LRP6: variants seen among roughly 807,000 people sequenced by gnomAD.
LRP6 encodes the protein low-density lipoprotein receptor-related protein 6.
LRP6 carries 43 observed loss-of-function variants against 184.1 expected under a neutral mutation model. That is an observed-to-expected ratio of 0.23 (90% confidence interval 0.18 to 0.30). The LOEUF is 0.30. Ranked by LOEUF, LRP6 falls within the 10% of genes least tolerant of loss-of-function variation. The pLI is 1.00. For synonymous variants in LRP6, 719 were observed against 684.9 expected, an observed-to-expected ratio of 1.05 and a Z score of -0.78; for missense variants, 1,571 against 2,005.3, an observed-to-expected ratio of 0.78 and a Z score of 4.14.
chr12:12,121,057 C>A lies in LRP6; in HGVS notation c.*69G>T. ...CCTTCTCTAATAGCTCCCTCCCCCC[C>A]TCCAGATCTCAACCAAATTTATATT... On this transcript the variant is annotated 3_prime_UTR_variant, in exon 23 of 23. Coordinates refer to ENST00000261349, the MANE Select transcript of LRP6 (RefSeq NM_002336.3). 4 of 1,425,718 alleles carry A rather than the reference C, an allele frequency of 2.8e-6. No homozygotes were observed. Among genetic ancestry groups the A allele is most frequent in the Non-Finnish European group, 3.8e-6 (4 of 1,062,162 alleles). 88.3% of individuals were successfully genotyped at this position (1,425,718 alleles called of 1,614,324 possible).
rs552183604 is a variant in LRP6, at chr12:12,201,334, T to C, written c.647+1869A>G. ...TCAGTAGTTCCATTTTGAGAGTTCG[T>C]TGGGGCTAGACTGCTCTAGCTTCTT... is the stretch of plus-strand genomic sequence containing the variant. On this transcript the variant is annotated intron_variant, in intron 3 of 22. Transcript: ENST00000261349. Among the ~76,000 whole-genome samples, 10 of 152,306 alleles carry C rather than the reference T, an allele frequency of 6.6e-5. No individual in the cohort carries two copies. In the East Asian group the frequency reaches 7.7e-4, roughly 12 times the overall value.
chr12:12,175,895 T>C (rs1444012797), intron 7 of LRP6, among the ~76,000 whole-genome samples: 2 of 151,880 alleles, frequency 1.3e-5, no homozygotes, highest in African/African-American at 4.8e-5. Context: ...AAGCTAATAG[T>C]ACATTCTTAA....
intron 1 of LRP6, among the ~76,000 whole-genome samples, chr12:12,258,510 C>A (rs753846701): frequency 6.6e-6 from 1 of 152,156 alleles, no homozygotes; most frequent in South Asian, 2.1e-4. Flanking sequence ...AAATTCACAT[C>A]TTTTTATATT....
In LRP6 at chr12:12,154,039, C is replaced by T. The variant is rs568304710; in HGVS notation, c.2792-3001G>A. Reference sequence around the variant, plus strand: ...CCATACACCTGTAGGGCTAAATCTGCTCAGAGGAAACATCTTTTTCCAATT... The same window carrying T: ...CCATACACCTGTAGGGCTAAATCTGTTCAGAGGAAACATCTTTTTCCAATT... On this transcript the variant is annotated intron_variant, in intron 12 of 22. Transcript: ENST00000261349. Among the ~76,000 whole-genome samples, 285 of 152,316 alleles carry T rather than the reference C, an allele frequency of 1.9e-3. 1 individual carries two copies. Among genetic ancestry groups the T allele is most frequent in the Non-Finnish European group, 3.2e-3 (219 of 68,028 alleles).
At chr12:12,159,685 A>C (rs1862693862) in intron 11 of LRP6, 95 bp downstream of exon 11, 2 of 1,138,780 alleles carry the variant, frequency 1.8e-6, no homozygotes, top group Admixed American at 1.8e-5. Flanking sequence ...ATTCATATGA[A>C]GTTGTATTAA....
chr12:12,148,842 G>T, intron 14 of LRP6, 100 bp downstream of exon 14: 1 of 855,506 alleles, frequency 1.2e-6, no homozygotes, highest in Non-Finnish European at 2.0e-6. Context: ...TTGTTTGCTG[G>T]AGCACAGGAC....
intron 2 of LRP6, among the ~76,000 whole-genome samples, chr12:12,227,456 G>A (rs1269145433): frequency 2.0e-5 from 3 of 150,200 alleles, no homozygotes; most frequent in Admixed American, 6.6e-5. Context: ...TGCCCAGGCT[G>A]GGGTGCAACA....
At chr12:12,139,106 A>C in intron 15 of LRP6, 1 of 829,478 alleles carries the variant, frequency 1.2e-6, no homozygotes, top group Non-Finnish European at 1.6e-6. Flanking sequence ...CATACCCCCC[A>C]CCCTGCTTTA....
chr12:12,184,412 A>AAAAT (rs57489179), intron 4 of LRP6, among the ~76,000 whole-genome samples: 1 of 151,942 alleles, frequency 6.6e-6, no homozygotes, highest in East Asian at 1.9e-4. Flanking sequence ...AAACAAACAA[A>AAAAT]ACCAATAAAA....
intron 8 of LRP6, 123 bp downstream of exon 8, chr12:12,164,955 AG>A: frequency 9.5e-6 from 5 of 528,560 alleles, no homozygotes; most frequent in Non-Finnish European, 1.3e-5. Context: ...AAAAAAAAAA[AG>A]GCGGGGGGGC....
In LRP6 at chr12:12,194,789, T is replaced by A. The variant is rs1863710207; in HGVS notation, c.648-7670A>T. The stretch of plus-strand genomic sequence containing the variant: ...ATGTTTTACCTATTAAGTACAGTCA[T>A]CCTACAGTGGTATAGAATACTCAAG... On this transcript the variant is annotated intron_variant, in intron 3 of 22. Transcript: ENST00000261349. 2.6e-5 allele frequency among the ~76,000 whole-genome samples: 4 copies of A among 152,136 alleles called. No individual in the cohort carries two copies. The South Asian group carries it at 8.3e-4, about 31-fold the overall frequency.
chr12:12,196,856 G>A (rs1863775753), intron 3 of LRP6, among the ~76,000 whole-genome samples: 1 of 152,082 alleles, frequency 6.6e-6, no homozygotes, highest in South Asian at 2.1e-4. Flanking sequence ...AATAATGTCT[G>A]TTCTTTTTCT....
intron 2 of LRP6, among the ~76,000 whole-genome samples, chr12:12,220,446 G>A (rs763312871): frequency 1.3e-5 from 2 of 152,120 alleles, no homozygotes; most frequent in African/African-American, 4.8e-5. Context: ...AGTATAGTAC[G>A]TAGCACACTG....
At chr12:12,243,420 A>T (rs1865111483) in intron 2 of LRP6, among the ~76,000 whole-genome samples, 2 of 152,240 alleles carry the variant, frequency 1.3e-5, no homozygotes, top group South Asian at 4.1e-4. Flanking sequence ...CACTAGTATC[A>T]CAGTATCATT....
chr12:12,234,056 G>A (rs1054356043), intron 2 of LRP6, among the ~76,000 whole-genome samples: 1 of 152,136 alleles, frequency 6.6e-6, no homozygotes, highest in Non-Finnish European at 1.5e-5. Flanking sequence ...TTGGGAGGCC[G>A]AGGCAGGCGG....
In LRP6 at chr12:12,244,116, T is replaced by C. The variant is rs561068500; in HGVS notation, c.449+146A>G. ...TAATAACACAACGTAACTTTCCACA[T>C]TCAAGTCTACTCAACAAAGAAGCCC... is the stretch of plus-strand genomic sequence containing the variant. On this transcript the variant is annotated intron_variant, in intron 2 of 22. Transcript: ENST00000261349. 8.8e-6 allele frequency: 7 copies of C among 798,886 alleles called. No individual in the cohort carries two copies. In the East Asian group the frequency reaches 1.1e-4, roughly 12 times the overall value. The allele number at this position is 798,886 out of a possible 1,614,324, so 49.5% of individuals were successfully genotyped here.
rs776833699 is a variant in LRP6, at chr12:12,126,756, T to C, written c.4247A>G (p.His1416Arg). The C allele has an allele frequency of 1.4e-5, 23 of 1,614,024 alleles. No homozygotes were observed. Among genetic ancestry groups the C allele is most frequent in the African/African-American group, 4.0e-5 (3 of 74,928 alleles). ...GETMTNDYVV[H>R]GPASVPLGYV... is the part of the protein sequence containing the mutation. Reference sequence around the variant, plus strand: ...ACCAAGAGGCACAGAAGCTGGTCCATGAACTACATAGTCATTAGTCATAGT... The same window carrying C: ...ACCAAGAGGCACAGAAGCTGGTCCACGAACTACATAGTCATTAGTCATAGT... Residue 1416 changes from histidine to arginine, a missense_variant, in exon 20 of 23, where the codon CAT becomes CGT. Coordinates refer to ENST00000261349, the MANE Select transcript of LRP6 (RefSeq NM_002336.3).
intron 5 of LRP6, among the ~76,000 whole-genome samples, chr12:12,181,869 T>C (rs1281850396): frequency 6.6e-6 from 1 of 152,198 alleles, no homozygotes. Flanking sequence ...TGTTCTAAAA[T>C]TGGATTGTGG....
At chr12:12,132,704 G>T (rs1447810206) in intron 17 of LRP6, among the ~76,000 whole-genome samples, 1 of 152,170 alleles carries the variant, frequency 6.6e-6, no homozygotes, top group East Asian at 1.9e-4. Context: ...GAATGTTATT[G>T]ATGAATCAAT....
Sources: gnomAD v4.1 joint callset for allele counts (sites outside exome capture counted in the v4.1 genomes callset) on GRCh38, gnomAD v4.1.1 for gene constraint, MANE v1.5 for transcripts, NCBI Gene and HGNC (gene_info 2026-07-23, HGNC 2026-07-21) for gene names.